CABLES1: variants seen among roughly 807,000 people sequenced by gnomAD.
CABLES1 encodes the protein Cdk5 and Abl enzyme substrate 1, also known as CDK5 and ABL1 enzyme substrate 1.
Under a neutral mutation model 57.8 loss-of-function variants are expected in CABLES1, and 36 were observed. The observed-to-expected ratio is 0.62, with a 90% CI of 0.48 to 0.82. The LOEUF (loss-of-function observed/expected upper bound fraction) is 0.82. Ranked by LOEUF, CABLES1 falls within the 40% of genes least tolerant of loss-of-function variation. The probability of loss-of-function intolerance (pLI) is 0.00; values close to 1 mark genes in which losing one functional copy is unlikely to be tolerated. For synonymous variants in CABLES1, 374 were observed against 363.0 expected (o/e 1.03, Z -0.35); for missense variants, 767 against 836.6 (o/e 0.92, Z 1.03).
intron 8 of CABLES1, 139 bp downstream of exon 8, chr18:23,253,205 G>A (rs1234148391): frequency 4.8e-5 from 29 of 609,598 alleles, no homozygotes; most frequent in Non-Finnish European, 7.5e-5. Context: ...AAGGACAGCC[G>A]GGCATGGTGG....
intron 7 of CABLES1, among the ~76,000 whole-genome samples, chr18:23,248,135 G>A (rs899756358): frequency 4.6e-5 from 7 of 152,262 alleles, no homozygotes; most frequent in Admixed American, 2.6e-4. Context: ...CGCAGGCTGA[G>A]CTGAGCTGTT....
chr18:23,219,748 GGTT>G (rs1307138314), intron 4 of CABLES1, among the ~76,000 whole-genome samples: 6 of 152,200 alleles, frequency 3.9e-5, no homozygotes, highest in Admixed American at 3.9e-4. Flanking sequence ...GAGTGCAAAA[GGTT>G]GTTCTCATTC....
At position 23,239,003 on chromosome 18, in the gene CABLES1, C is replaced by T. The variant is rs1329677203; in HGVS notation, c.1446+1758C>T. Among the ~76,000 whole-genome samples the T allele has an allele frequency of 4.6e-5, 7 of 152,334 alleles. 1 individual carries two copies. Among genetic ancestry groups the T allele is most frequent in the African/African-American group, 9.6e-5 (4 of 41,574 alleles). On this transcript the variant is annotated intron_variant, in intron 7 of 9. Coordinates refer to ENST00000256925, the MANE Select transcript of CABLES1 (RefSeq NM_001100619.3). Reference sequence around the variant, plus strand: ...TTGGCGGGAGCTGTCCTAACAGACACGTGCCTGGTGATAATGCCGACCTCT... The same window carrying T: ...TTGGCGGGAGCTGTCCTAACAGACATGTGCCTGGTGATAATGCCGACCTCT...
intron 1 of CABLES1, among the ~76,000 whole-genome samples, chr18:23,165,810 G>T (rs952611784): frequency 6.6e-6 from 1 of 152,160 alleles, no homozygotes; most frequent in African/African-American, 2.4e-5. Flanking sequence ...GCCGCTATGA[G>T]CATAGATGCA....
At chr18:23,229,684 T>G (rs2047553361) in intron 4 of CABLES1, among the ~76,000 whole-genome samples, 1 of 152,232 alleles carries the variant, frequency 6.6e-6, no homozygotes, top group East Asian at 1.9e-4. Context: ...CCACTGGGAC[T>G]TCTGCTTCAT....
chr18:23,217,078 T>C lies in CABLES1; in HGVS notation c.1088+3024T>C, dbSNP rs183383253. Among the ~76,000 whole-genome samples the C allele has an allele frequency of 4.0e-3, 610 of 152,118 alleles. 4 individuals carry two copies. Among genetic ancestry groups the C allele is most frequent in the Non-Finnish European group, 7.3e-3 (494 of 68,000 alleles). On this transcript the variant is annotated intron_variant, in intron 4 of 9. Transcript: ENST00000256925. ...GCACAAGAGGGATTTTTTTGTTTTG[T>C]TTTTTGTTTTTGTTTGTTTTTGAGA...
intron 7 of CABLES1, among the ~76,000 whole-genome samples, chr18:23,249,203 A>G (rs1247549262): frequency 6.6e-6 from 1 of 152,244 alleles, no homozygotes; most frequent in African/African-American, 2.4e-5. Flanking sequence ...AGGAGCCAGA[A>G]TTGTTTTTGG....
At chr18:23,250,587 C>T (rs953456458) in intron 7 of CABLES1, among the ~76,000 whole-genome samples, 2 of 152,192 alleles carry the variant, frequency 1.3e-5, no homozygotes, top group Admixed American at 6.5e-5. Context: ...TGGAGGGCTG[C>T]CACAGGGGTC....
chr18:23,157,143 A>C (rs2046971309), intron 1 of CABLES1, among the ~76,000 whole-genome samples: 1 of 151,906 alleles, frequency 6.6e-6, no homozygotes. Context: ...TAATCCCAGC[A>C]CTCTGGGAGG....
At chr18:23,208,032 A>C (rs2047376890) in intron 3 of CABLES1, among the ~76,000 whole-genome samples, 1 of 152,186 alleles carries the variant, frequency 6.6e-6, no homozygotes, top group Admixed American at 6.5e-5. Context: ...TACAGGGTTA[A>C]GCCGTGCTTC....
intron 1 of CABLES1, among the ~76,000 whole-genome samples, chr18:23,147,084 G>A (rs572008746): frequency 1.5e-4 from 23 of 152,304 alleles, no homozygotes; most frequent in Admixed American, 1.1e-3. Context: ...TGATAACCTC[G>A]GGCAGGCCAA....
chr18:23,206,938 G>A (rs1331611322), intron 3 of CABLES1, among the ~76,000 whole-genome samples: 2 of 151,630 alleles, frequency 1.3e-5, no homozygotes, highest in African/African-American at 4.8e-5. Flanking sequence ...AGCCTCTTGA[G>A]TAGCTGGGAC....
intron 3 of CABLES1, among the ~76,000 whole-genome samples, chr18:23,202,161 T>G (rs1167156181): frequency 1.3e-5 from 2 of 151,986 alleles, no homozygotes; most frequent in Non-Finnish European, 2.9e-5. Context: ...GAGGTACGAG[T>G]GATCTGACTC....
At chr18:23,204,838 C>T (rs1174104319) in intron 3 of CABLES1, among the ~76,000 whole-genome samples, 1 of 152,214 alleles carries the variant, frequency 6.6e-6, no homozygotes, top group Non-Finnish European at 1.5e-5. Flanking sequence ...TTATTCACTA[C>T]CATGAGAACA....
chr18:23,143,871 C>T (rs1264132110), intron 1 of CABLES1, among the ~76,000 whole-genome samples: 1 of 152,214 alleles, frequency 6.6e-6, no homozygotes, highest in Non-Finnish European at 1.5e-5. Context: ...AAACCCACAT[C>T]TGATCCTGCC....
At chr18:23,229,389 G>A (rs1449155941) in intron 4 of CABLES1, among the ~76,000 whole-genome samples, 2 of 152,162 alleles carry the variant, frequency 1.3e-5, no homozygotes, top group Non-Finnish European at 2.9e-5. Flanking sequence ...TCCAGCCTAG[G>A]CAACAAGAGT....
At chr18:23,227,201 C>T (rs1472040905) in intron 4 of CABLES1, among the ~76,000 whole-genome samples, 2 of 152,162 alleles carry the variant, frequency 1.3e-5, no homozygotes, top group Admixed American at 1.3e-4. Context: ...TTCTTAGAGC[C>T]TTCAAGCCTA....
chr18:23,155,184 A>G (rs537234582), intron 1 of CABLES1, among the ~76,000 whole-genome samples: 39 of 152,360 alleles, frequency 2.6e-4, no homozygotes, highest in African/African-American at 9.1e-4. Flanking sequence ...GAGCCAAGAA[A>G]ATAAAAGTCA....
chr18:23,145,912 G>C (rs1303254434), intron 1 of CABLES1, among the ~76,000 whole-genome samples: 2 of 152,140 alleles, frequency 1.3e-5, no homozygotes, highest in African/African-American at 4.8e-5. Flanking sequence ...AAATACCAGG[G>C]GCTTATGACT....
Sources: allele counts gnomAD v4.1 joint callset (sites outside exome capture counted in the v4.1 genomes callset), GRCh38; gene constraint gnomAD v4.1.1; transcripts MANE v1.5; gene names NCBI Gene and HGNC (gene_info 2026-07-23, HGNC 2026-07-21).